ABCA4: variants seen among roughly 807,000 people sequenced by gnomAD.
ABCA4 encodes retinal-specific phospholipid-transporting ATPase ABCA4.
A neutral mutation model predicts 263.7 loss-of-function variants in ABCA4; 196 were observed. The ratio of observed to expected loss-of-function variants is 0.74; its 90% CI spans 0.66 to 0.84. ABCA4 has a LOEUF of 0.84. ABCA4 is among the 40% of genes least tolerant of loss of function. The pLI is 0.00. For synonymous variants in ABCA4, 1,133 were observed against 1,094.2 expected (o/e 1.04, Z -0.70); for missense variants, 2,792 against 2,855.1 (o/e 0.98, Z 0.50).
At chr1:94,008,649 T>C in intron 41 of ABCA4, 102 bp downstream of exon 41, 1 of 1,537,082 alleles carries the variant, frequency 6.5e-7, no homozygotes, top group South Asian at 1.1e-5. Flanking sequence ...GGGAACCAAA[T>C]TGCTTGCATA....
At chr1:94,029,679 A>G in intron 29 of ABCA4, 48 bp from the exon 30 acceptor site, 2 of 1,563,004 alleles carry the variant, frequency 1.3e-6, no homozygotes, top group Non-Finnish European at 1.7e-6. Context: ...AAAGTTGCTG[A>G]CAAATCCCTA....
intron 1 of ABCA4, among the ~76,000 whole-genome samples, chr1:94,119,472 G>A (rs1241955099): frequency 6.6e-6 from 1 of 152,168 alleles, no homozygotes; most frequent in Non-Finnish European, 1.5e-5. Flanking sequence ...TGGTTGTTAA[G>A]CTATTGTCCC....
At chr1:93,996,269 T>C in intron 48 of ABCA4, 74 bp from the exon 49 acceptor site, 2 of 1,149,732 alleles carry the variant, frequency 1.7e-6, no homozygotes, top group Admixed American at 3.6e-5. Flanking sequence ...CTACCCACTT[T>C]GCTCTCTATT....
chr1:94,038,963 A>G (rs1660417245), intron 24 of ABCA4, among the ~76,000 whole-genome samples: 6 of 152,218 alleles, frequency 3.9e-5, no homozygotes, highest in Admixed American at 3.3e-4. Flanking sequence ...CTTTATTTAG[A>G]AATAAAGTAA....
intron 6 of ABCA4, among the ~76,000 whole-genome samples, chr1:94,088,324 C>A (rs759063658): frequency 3.3e-5 from 5 of 152,206 alleles, no homozygotes; most frequent in Non-Finnish European, 7.3e-5. Context: ...CTACCTTCCC[C>A]TGAAGTGCTG....
In ABCA4 at chr1:94,041,278, A is replaced by T; in HGVS notation, c.3453T>A (p.Phe1151Leu). The T allele has an allele frequency of 6.2e-7, 1 of 1,614,152 alleles. No homozygotes were observed. The highest frequency in any genetic ancestry group is 8.5e-7 in the Non-Finnish European group (1 of 1,180,028). The change falls in exon 23 of 50, where the codon TTT (phenylalanine) becomes TTA (leucine). Residue 1151 changes from phenylalanine to leucine, a missense_variant. Phe to Leu is a conservative substitution (Grantham distance 22). Transcript: ENST00000370225. ...SGTPLFLKNCFGTGLYLTLVR... is the reference protein window; with the variant it reads ...SGTPLFLKNCLGTGLYLTLVR... ...CCAAGGTTAAGTACAAGCCTGTGCC[A>T]AAGCAGTTCTTCAGGAAGAGTGGGG...
At chr1:94,045,786 G>A in intron 19 of ABCA4, 1 of 456,256 alleles carries the variant, frequency 2.2e-6, no homozygotes, top group Non-Finnish European at 4.4e-6. Context: ...TCCATCACAG[G>A]GTGTACACGC....
chr1:94,066,859 A>T (rs958136159), intron 11 of ABCA4, among the ~76,000 whole-genome samples: 2 of 152,242 alleles, frequency 1.3e-5, no homozygotes, highest in African/African-American at 4.8e-5. Context: ...CCTGTCCAAT[A>T]TGGCAGGCAG....
Position 94,046,998 on chromosome 1 carries a change from C to T in ABCA4, c.2839G>A (p.Asp947Asn), listed in dbSNP as rs1324891342. ...TCGTAGAAGGTGATGTTCAGACGGT[C>T]CACAGCTGGCCGGCCACAGGGCTCA... ...IFEPCGRPAV[D>N]RLNITFYENQ... The change falls in exon 19 of 50, where the codon GAC becomes AAC. Residue 947 changes from aspartate to asparagine, a missense_variant. By Grantham distance (23) the Asp-to-Asn change is conservative. Coordinates refer to ENST00000370225, the MANE Select transcript of ABCA4 (RefSeq NM_000350.3). 6.2e-7 allele frequency: 1 copy of T among 1,614,038 alleles called. No individual in the cohort carries two copies. Among genetic ancestry groups the T allele is most frequent in the Non-Finnish European group, 8.5e-7 (1 of 1,180,024 alleles).
At chr1:94,033,383 C>A (rs117864820) in intron 26 of ABCA4, among the ~76,000 whole-genome samples, 2 of 146,414 alleles carry the variant, frequency 1.4e-5, no homozygotes, top group Admixed American at 6.9e-5. Context: ...ATGATCGAGC[C>A]GCTGTATTCC....
chr1:94,042,738 G>GA (rs771887931), intron 22 of ABCA4, 23 bp downstream of exon 22: 1 of 1,614,192 alleles, frequency 6.2e-7, no homozygotes, highest in East Asian at 2.2e-5. Flanking sequence ...GCCCAGCCCA[G>GA]GAGACTGAGC....
intron 36 of ABCA4, chr1:94,019,324 C>T (rs1659829387): frequency 2.2e-6 from 1 of 458,872 alleles, no homozygotes; most frequent in Non-Finnish European, 4.0e-6. Flanking sequence ...GAAGACCCCT[C>T]AGTGCAGGAC....
intron 1 of ABCA4, among the ~76,000 whole-genome samples, chr1:94,116,562 G>A (rs558441782): frequency 2.2e-4 from 34 of 152,084 alleles, no homozygotes; most frequent in East Asian, 1.9e-4. Context: ...TGTTTTTGGC[G>A]GGGGGCGGGG....
intron 6 of ABCA4, among the ~76,000 whole-genome samples, chr1:94,097,895 G>A (rs1353072735): frequency 3.9e-5 from 6 of 152,102 alleles, no homozygotes; most frequent in African/African-American, 1.2e-4. Context: ...GATTACAGGC[G>A]CCCGCCACCA....
chr1:94,073,996 G>A (rs1339923938), intron 11 of ABCA4, among the ~76,000 whole-genome samples: 1 of 152,176 alleles, frequency 6.6e-6, no homozygotes, highest in Non-Finnish European at 1.5e-5. Flanking sequence ...TTAGCAGGTA[G>A]AGGCACCATG....
At chr1:94,071,707 T>C (rs530780055) in intron 11 of ABCA4, among the ~76,000 whole-genome samples, 5 of 152,362 alleles carry the variant, frequency 3.3e-5, no homozygotes, top group African/African-American at 7.2e-5. Context: ...ATGAGCTCCA[T>C]TGATTACTAT....
Position 94,031,793 on chromosome 1 carries a change from C to T in ABCA4, c.4113G>A (p.Lys1371=). The change falls in exon 27 of 50, where the codon AAG becomes AAA. Residue 1371 remains lysine (K), a synonymous_variant. Transcript: ENST00000370225. ...KRFQHTIRSH[K]DFLAQIVLPA... ...ACAATAGTACCTGCGCCAGGAAGTC[C>T]TTGTGGCTGCGGATGGTGTGTTGGA... 9 of 1,613,814 alleles carry T rather than the reference C, an allele frequency of 5.6e-6. No individual in the cohort carries two copies. The highest frequency in any genetic ancestry group is 7.6e-6 in the Non-Finnish European group (9 of 1,180,022).
At chr1:94,056,889 A>C (rs1660999109) in intron 14 of ABCA4, 67 bp from the exon 15 acceptor site, 1 of 1,297,830 alleles carries the variant, frequency 7.7e-7, no homozygotes, top group Non-Finnish European at 1.1e-6. Context: ...TTCTGCCCTA[A>C]AGGGCTCTCT....
chr1:94,100,631 G>A (rs1052101450), intron 5 of ABCA4, among the ~76,000 whole-genome samples: 11 of 152,180 alleles, frequency 7.2e-5, no homozygotes, highest in Admixed American at 2.6e-4. Context: ...TACTGGGCTG[G>A]GGGTGAGCCA....
Sources: allele counts gnomAD v4.1 joint callset (sites outside exome capture counted in the v4.1 genomes callset), GRCh38; gene constraint gnomAD v4.1.1; transcripts MANE v1.5; gene names NCBI Gene and HGNC (gene_info 2026-07-23, HGNC 2026-07-21).